DPYSL2: variants seen among roughly 807,000 people sequenced by gnomAD.
The protein encoded by DPYSL2 is dihydropyrimidinase like 2.
A neutral mutation model predicts 69.9 loss-of-function variants in DPYSL2; 13 were observed. The observed-to-expected ratio is 0.19, with a 90% CI of 0.12 to 0.30. The LOEUF is 0.30. Among genes scored for constraint, DPYSL2 ranks in the 10% least tolerant of loss-of-function variants. DPYSL2 has a pLI of 1.00. For synonymous variants in DPYSL2, 326 were observed against 359.1 expected (o/e 0.91, Z 1.04); for missense variants, 587 against 918.9 (o/e 0.64, Z 4.67).
At position 26,557,623 on chromosome 8, in the gene DPYSL2, C is replaced by CAAAAAAAAAAAAAAAAA. The variant is rs56215906; in HGVS notation, c.355-24343_355-24327dup. 8.1e-5 allele frequency among the ~76,000 whole-genome samples: 6 copies of CAAAAAAAAAAAAAAAAA among 74,300 alleles called. 1 individual carries two copies. The highest frequency in any genetic ancestry group is 2.3e-4 in the African/African-American group (4 of 17,714). The allele number at this position is 74,300 out of a possible 152,430, so 48.7% of individuals were successfully genotyped here. ...CAAAACCCTGTCTCTACTAAAAATACAAAAAAAAAAAAAAAAAAAGCCAGG... is the reference window on the plus strand; with the variant it reads ...CAAAACCCTGTCTCTACTAAAAATACAAAAAAAAAAAAAAAAAAAAAAAAAAAAAAAAAAAAGCCAGG... On this transcript the variant is annotated intron_variant, in intron 1 of 13. Coordinates refer to ENST00000521913, the MANE Select transcript of DPYSL2 (RefSeq NM_001197293.3).
rs993537933 is a variant in DPYSL2 at position 26,643,737 on chromosome 8, G to C, written c.1283+142G>C. On this transcript the variant is annotated intron_variant, in intron 9 of 13. Transcript: ENST00000521913. This position sits in a 1 kb window ranked among gnomAD's most constrained non-coding sequence, Gnocchi z 6.5. ...TCACCAAACTAGGTTGGCTACATGA[G>C]TACAGGGAATTGTCATTCTAGCACC... is the stretch of plus-strand genomic sequence containing the variant. 3.1e-6 allele frequency: 4 copies of C among 1,309,386 alleles called. No homozygotes were observed. Among genetic ancestry groups the C allele is most frequent in the Non-Finnish European group, 4.2e-6 (4 of 943,134 alleles). 81.1% of individuals were successfully genotyped at this position (1,309,386 alleles called of 1,614,324 possible).
At chr8:26,547,828 A>G in intron 1 of DPYSL2, 2 of 353,768 alleles carry the variant, frequency 5.7e-6, no homozygotes, top group South Asian at 5.2e-5. Context: ...ACAGAAAGTC[A>G]TATATCTGAA....
intron 3 of DPYSL2, among the ~76,000 whole-genome samples, chr8:26,607,353 C>T (rs1196757925): frequency 6.6e-6 from 1 of 151,606 alleles, no homozygotes; most frequent in Non-Finnish European, 1.5e-5. Context: ...GGCATGGTTG[C>T]ACGCCTGTAG....
intron 1 of DPYSL2, among the ~76,000 whole-genome samples, chr8:26,545,522 T>A (rs75097335): frequency 0.071 from 10,796 of 152,160 alleles, 455 homozygotes; most frequent in South Asian, 0.22. Context: ...TCACTTGAGG[T>A]CAGGACCTCC....
Position 26,652,492 on chromosome 8 carries a change from C to A in DPYSL2, c.1776+56C>A. ...TTAAATCACGAATTAAGTTCAAGGC[C>A]ACAAACATTTATTAAGCACCTTGAG... On this transcript the variant is annotated intron_variant, in intron 12 of 13. Transcript: ENST00000521913. This position sits in a 1 kb window ranked among gnomAD's most constrained non-coding sequence, Gnocchi z 6.3. 2.0e-6 allele frequency: 3 copies of A among 1,525,896 alleles called. No individual in the cohort carries two copies. The highest frequency in any genetic ancestry group is 2.7e-6 in the Non-Finnish European group (3 of 1,120,620). 94.5% of individuals were successfully genotyped at this position (1,525,896 alleles called of 1,614,324 possible). A position where few individuals can be genotyped will look rare whatever the true frequency, so the allele number is the denominator to read the frequency against.
In DPYSL2 at chr8:26,606,658, G is replaced by T. The variant is rs189224229; in HGVS notation, c.629-17485G>T. Among the ~76,000 whole-genome samples the T allele has an allele frequency of 3.4e-3, 514 of 152,160 alleles. 1 individual carries two copies. The highest frequency in any genetic ancestry group is 5.7e-3 in the Non-Finnish European group (387 of 67,996). ...ATATTCAACTGAATGAGTAATAAAA[G>T]AAATACAAATTGAAGTTTCACTGAG... On this transcript the variant is annotated intron_variant, in intron 3 of 13. Coordinates refer to ENST00000521913, the MANE Select transcript of DPYSL2 (RefSeq NM_001197293.3).
chr8:26,647,509 G>A lies in DPYSL2; in HGVS notation c.1426-121G>A, dbSNP rs1803192794. ...TTTGAGACGGTTTGTGTTTCACTTG[G>A]CACAACGCTCTTGACATCCATCTAA... On this transcript the variant is annotated intron_variant, in intron 10 of 13. Coordinates refer to ENST00000521913, the MANE Select transcript of DPYSL2 (RefSeq NM_001197293.3). This position sits in a 1 kb window ranked among gnomAD's most constrained non-coding sequence, Gnocchi z 5.1. 1.4e-5 allele frequency: 15 copies of A among 1,072,326 alleles called. 1 individual carries two copies. In the South Asian group the frequency reaches 2.0e-4, roughly 14 times the overall value. The allele number at this position is 1,072,326 out of a possible 1,614,324, so 66.4% of individuals were successfully genotyped here.
At chr8:26,629,754 ATTTTATTTTT>A (rs1395767220) in intron 7 of DPYSL2, among the ~76,000 whole-genome samples, 8 of 151,884 alleles carry the variant, frequency 5.3e-5, no homozygotes, top group Non-Finnish European at 8.8e-5. Flanking sequence ...ATTTTATTTT[ATTTTATTTTT>A]TTTCCTTTTT....
intron 1 of DPYSL2, chr8:26,578,640 G>C: frequency 8.8e-7 from 1 of 1,134,238 alleles, no homozygotes; most frequent in African/African-American, 1.6e-5. Flanking sequence ...CATGCCTGGA[G>C]CTCGGATATT....
chr8:26,529,277 A>C (rs199656996), intron 1 of DPYSL2, among the ~76,000 whole-genome samples: 1 of 61,406 alleles, frequency 1.6e-5, no homozygotes, highest in Non-Finnish European at 3.5e-5. Flanking sequence ...TCTATCTATC[A>C]TCTATCTATC....
At chr8:26,581,933 G>A (rs772673561) in intron 1 of DPYSL2, 36 bp from the exon 2 acceptor site, 1 of 1,492,730 alleles carries the variant, frequency 6.7e-7, no homozygotes, top group Non-Finnish European at 9.3e-7. Context: ...TCATAGGTCA[G>A]TTACGCGTTG....
intron 1 of DPYSL2, among the ~76,000 whole-genome samples, chr8:26,541,053 T>C (rs561990340): frequency 1.0e-3 from 159 of 152,242 alleles, no homozygotes; most frequent in Non-Finnish European, 1.9e-3. Context: ...TCAAAAAATC[T>C]TAAGTCAAAA....
rs1264464595 is a variant in DPYSL2, at chr8:26,598,694, A to G, written c.628+14711A>G. On this transcript the variant is annotated intron_variant, in intron 3 of 13. Coordinates refer to ENST00000521913, the MANE Select transcript of DPYSL2 (RefSeq NM_001197293.3). This position sits in a 1 kb window ranked among gnomAD's most constrained non-coding sequence, Gnocchi z 4.2. Reference sequence around the variant, plus strand: ...AAAGATTGGCTCGCAGGGCAGGTTGAAGCTTCAACACCAAAATCTCTCTGT... The same window carrying G: ...AAAGATTGGCTCGCAGGGCAGGTTGGAGCTTCAACACCAAAATCTCTCTGT... Among the ~76,000 whole-genome samples the G allele has an allele frequency of 6.6e-6, 1 of 152,182 alleles. No homozygotes were observed. Among genetic ancestry groups the G allele is most frequent in the Non-Finnish European group, 1.5e-5 (1 of 68,040 alleles).
intron 3 of DPYSL2, among the ~76,000 whole-genome samples, chr8:26,601,636 C>A (rs1332202363): frequency 1.3e-5 from 2 of 151,852 alleles, no homozygotes; most frequent in African/African-American, 4.8e-5. Context: ...CTTGGCCTCC[C>A]AAAGTGCTGG....
intron 1 of DPYSL2, among the ~76,000 whole-genome samples, chr8:26,574,613 G>T (rs11993953): frequency 0.016 from 2,400 of 152,236 alleles, 63 homozygotes; most frequent in African/African-American, 0.054. Flanking sequence ...TCTCATGTTT[G>T]GCATGAATTT....
rs969559947 is a variant in DPYSL2, at chr8:26,560,261, C to A, written c.355-21708C>A. On this transcript the variant is annotated intron_variant, in intron 1 of 13. Coordinates refer to ENST00000521913, the MANE Select transcript of DPYSL2 (RefSeq NM_001197293.3). The surrounding 1 kb of genome is among the most constrained non-coding windows in gnomAD (Gnocchi z 4.4). ...CAAAACAGGGTATATTTCCATTCTC[C>A]AGGTCAGGCCTTCCATGGATTATTT... Among the ~76,000 whole-genome samples the A allele has an allele frequency of 6.6e-6, 1 of 152,168 alleles. No individual in the cohort carries two copies. Among genetic ancestry groups the A allele is most frequent in the African/African-American group, 2.4e-5 (1 of 41,428 alleles).
intron 1 of DPYSL2, among the ~76,000 whole-genome samples, chr8:26,570,705 G>A (rs967058236): frequency 4.4e-5 from 6 of 135,834 alleles, no homozygotes; most frequent in African/African-American, 1.6e-4. Flanking sequence ...CTGCACTCCA[G>A]TCTGGACAAC....
chr8:26,587,611 A>T lies in DPYSL2; in HGVS notation c.628+3628A>T, dbSNP rs905192416. 2.6e-5 allele frequency among the ~76,000 whole-genome samples: 4 copies of T among 152,250 alleles called. No individual in the cohort carries two copies. Among genetic ancestry groups the T allele is most frequent in the Non-Finnish European group, 4.4e-5 (3 of 68,044 alleles). On this transcript the variant is annotated intron_variant, in intron 3 of 13. Coordinates refer to ENST00000521913, the MANE Select transcript of DPYSL2 (RefSeq NM_001197293.3). This position sits in a 1 kb window ranked among gnomAD's most constrained non-coding sequence, Gnocchi z 4.2. ...GAAGATAATATTATTGCCATTAAAC[A>T]GAGCCTGCTATTGAGAATCACACAA... is the stretch of plus-strand genomic sequence containing the variant.
At chr8:26,536,500 G>A (rs576055146) in intron 1 of DPYSL2, among the ~76,000 whole-genome samples, 20 of 152,036 alleles carry the variant, frequency 1.3e-4, no homozygotes, top group Admixed American at 1.1e-3. Context: ...GTGAAACGCC[G>A]TCTCTACTAA....
Sources: gnomAD v4.1 joint callset for allele counts (sites outside exome capture counted in the v4.1 genomes callset) on GRCh38, gnomAD v4.1.1 for gene constraint, Gnocchi (gnomAD v3.1) non-coding constraint, MANE v1.5 for transcripts, NCBI Gene and HGNC (gene_info 2026-07-23, HGNC 2026-07-21) for gene names.